The following TMEM132B variants were observed in gnomAD, a reference collection of about 807,000 sequenced individuals.
TMEM132B encodes transmembrane protein 132B.
Under a neutral mutation model 90.8 loss-of-function variants are expected in TMEM132B, and 18 were observed. That is an observed-to-expected ratio of 0.20 (90% CI 0.14 to 0.29). The LOEUF is 0.29. Ranked by LOEUF, TMEM132B falls within the 10% of genes least tolerant of loss-of-function variation. TMEM132B has a pLI of 1.00. For missense variants in TMEM132B, 1,096 were observed against 1,326.8 expected (o/e 0.83, Z 2.70); for synonymous variants, 504 against 523.3 (o/e 0.96, Z 0.50).
At chr12:125,295,881 C>T (rs896126911) in intron 1 of TMEM132B, among the ~76,000 whole-genome samples, 2 of 152,206 alleles carry the variant, frequency 1.3e-5, no homozygotes, top group African/African-American at 4.8e-5. Context: ...AATCAGGCGG[C>T]ACTTAGCACT....
chr12:125,517,426 T>TCC (rs1883194711), intron 3 of TMEM132B, among the ~76,000 whole-genome samples: 1 of 144,622 alleles, frequency 6.9e-6, no homozygotes. Context: ...TCTCCTGACC[T>TCC]CGTGATCCAC....
intron 3 of TMEM132B, among the ~76,000 whole-genome samples, chr12:125,514,728 C>T (rs1883063890): frequency 6.6e-6 from 1 of 152,184 alleles, no homozygotes; most frequent in African/African-American, 2.4e-5. Flanking sequence ...CTTCCTCCCT[C>T]CCACCTTTCT....
intron 3 of TMEM132B, among the ~76,000 whole-genome samples, chr12:125,432,773 C>T (rs1371989546): frequency 5.3e-5 from 8 of 152,000 alleles, no homozygotes; most frequent in South Asian, 2.1e-4. Flanking sequence ...TTTGATGGGC[C>T]GGCCTTGGTG....
At chr12:125,321,130 T>C (rs1249581689) in intron 1 of TMEM132B, among the ~76,000 whole-genome samples, 5 of 152,152 alleles carry the variant, frequency 3.3e-5, no homozygotes, top group Admixed American at 6.5e-5. Context: ...GGAAAAGAGG[T>C]GCTGGATCTG....
chr12:125,449,068 A>G (rs1365161856), intron 3 of TMEM132B, among the ~76,000 whole-genome samples: 1 of 147,778 alleles, frequency 6.8e-6, no homozygotes, highest in East Asian at 2.0e-4. Context: ...CTGGGCTCAC[A>G]CCATTCTTCT....
intron 1 of TMEM132B, among the ~76,000 whole-genome samples, chr12:125,259,283 T>A (rs1363669867): frequency 6.6e-6 from 1 of 152,206 alleles, no homozygotes; most frequent in Non-Finnish European, 1.5e-5. Flanking sequence ...ATTCTCAGTG[T>A]GTAACAGGAT....
intron 2 of TMEM132B, among the ~76,000 whole-genome samples, chr12:125,402,958 A>C (rs1879361101): frequency 1.3e-5 from 2 of 152,276 alleles, no homozygotes; most frequent in Non-Finnish European, 1.5e-5. Flanking sequence ...TCTTCACAGC[A>C]GGCTGGGACC....
chr12:125,554,887 T>C (rs10846915), intron 4 of TMEM132B, among the ~76,000 whole-genome samples: 41,293 of 152,176 alleles, frequency 0.27, 6,260 homozygotes, highest in South Asian at 0.37. Context: ...TTCCTCTTTG[T>C]TGGCGAGTTT....
chr12:125,432,527 A>ATG (rs1221368383), intron 3 of TMEM132B, among the ~76,000 whole-genome samples: 1 of 84,260 alleles, frequency 1.2e-5, no homozygotes, highest in South Asian at 4.4e-4. Context: ...ATATATATAT[A>ATG]TAGAGAGAGA....
At chr12:125,337,376 C>T (rs752785892) in intron 1 of TMEM132B, among the ~76,000 whole-genome samples, 31 of 152,136 alleles carry the variant, frequency 2.0e-4, no homozygotes, top group African/African-American at 6.5e-4. Context: ...GCTTTCCTCG[C>T]GTGGAGGTTC....
At chr12:125,644,043 G>A (rs1159379095) in intron 5 of TMEM132B, 33 bp from the exon 6 acceptor site, 2 of 1,591,350 alleles carry the variant, frequency 1.3e-6, no homozygotes, top group Non-Finnish European at 1.7e-6. Flanking sequence ...TTTTCCTACT[G>A]ATGCATCTCA....
intron 4 of TMEM132B, among the ~76,000 whole-genome samples, chr12:125,561,543 C>G (rs1884533803): frequency 6.6e-6 from 1 of 152,078 alleles, no homozygotes; most frequent in South Asian, 2.1e-4. Context: ...AAAAGAAATG[C>G]ATTTTTTAAA....
chr12:125,472,983 G>C (rs1881763727), intron 3 of TMEM132B, among the ~76,000 whole-genome samples: 5 of 152,170 alleles, frequency 3.3e-5, no homozygotes, highest in Admixed American at 3.3e-4. Context: ...ATACTACCTT[G>C]GCTGCTGAGA....
At chr12:125,200,965 C>CT (rs1873043075) in intron 1 of TMEM132B, among the ~76,000 whole-genome samples, 1 of 152,228 alleles carries the variant, frequency 6.6e-6, no homozygotes, top group Non-Finnish European at 1.5e-5. Flanking sequence ...GGAGCACCGT[C>CT]TAAGTTCTCT....
intron 2 of TMEM132B, among the ~76,000 whole-genome samples, chr12:125,399,467 GTGTGTGTGTGTGTGTA>G (rs756686475): frequency 0.067 from 6,904 of 102,348 alleles, 219 homozygotes; most frequent in East Asian, 0.17. Flanking sequence ...AAGTGTGTGT[GTGTGTGTGTGTGTGTA>G]TGTGTGTGTG....
chr12:125,652,338 T>C, intron 7 of TMEM132B, 103 bp from the exon 8 acceptor site: 1 of 1,135,502 alleles, frequency 8.8e-7, no homozygotes, highest in East Asian at 2.7e-5. Flanking sequence ...AATGCATGCA[T>C]TGAGCCAAGG....
rs1881388865 is a variant in TMEM132B at position 125,459,804 on chromosome 12, C to G, written c.1106+44127C>G. On this transcript the variant is annotated intron_variant, in intron 3 of 8. Coordinates refer to ENST00000682704, the MANE Select transcript of TMEM132B (RefSeq NM_001366854.1). This position sits in a 1 kb window ranked among gnomAD's most constrained non-coding sequence, Gnocchi z 4.1. ...TAATTCCCATGTGTTATGGGAGGGACCTGGTGGGAGATAATTGAATCATGG... is the reference window on the plus strand; with the variant it reads ...TAATTCCCATGTGTTATGGGAGGGAGCTGGTGGGAGATAATTGAATCATGG... Among the ~76,000 whole-genome samples the G allele has an allele frequency of 6.6e-6, 1 of 152,096 alleles. No individual in the cohort carries two copies. The highest frequency in any genetic ancestry group is 2.1e-4 in the South Asian group (1 of 4,818).
intron 4 of TMEM132B, among the ~76,000 whole-genome samples, chr12:125,572,313 A>G (rs1884818700): frequency 6.6e-6 from 1 of 152,206 alleles, no homozygotes; most frequent in Admixed American, 6.5e-5. Context: ...GGAGGTGTTT[A>G]TGTCATTAGG....
intron 5 of TMEM132B, among the ~76,000 whole-genome samples, chr12:125,627,438 G>A (rs1593030919): frequency 6.6e-6 from 1 of 152,142 alleles, no homozygotes; most frequent in Non-Finnish European, 1.5e-5. Context: ...TATGATTAGA[G>A]TTGTGTATAC....
Sources: allele counts gnomAD v4.1 joint callset (sites outside exome capture counted in the v4.1 genomes callset), GRCh38; gene constraint gnomAD v4.1.1; non-coding constraint Gnocchi (gnomAD v3.1); transcripts MANE v1.5; gene names NCBI Gene and HGNC (gene_info 2026-07-23, HGNC 2026-07-21).